The following GRIK2 variants were observed in gnomAD, a reference collection of about 807,000 sequenced individuals.
GRIK2 encodes glutamate receptor ionotropic, kainate 2.
A neutral mutation model predicts 100.3 loss-of-function variants in GRIK2; 32 were observed. The observed-to-expected ratio is 0.32, with a 90% CI of 0.24 to 0.43. GRIK2 has a LOEUF of 0.43. Among genes scored for constraint, GRIK2 ranks in the 20% least tolerant of loss-of-function variants. The pLI is 1.00. For missense variants in GRIK2, 843 were observed against 1,114.9 expected (o/e 0.76, Z 3.47); for synonymous variants, 417 against 389.4 (o/e 1.07, Z -0.83).
At chr6:101,929,337 C>A (rs1429241959) in intron 14 of GRIK2, among the ~76,000 whole-genome samples, 4 of 152,124 alleles carry the variant, frequency 2.6e-5, no homozygotes, top group Admixed American at 2.0e-4. Flanking sequence ...GTAGCTATTA[C>A]CACTTTATAA....
At chr6:101,968,317 T>TA (rs933464956) in intron 14 of GRIK2, among the ~76,000 whole-genome samples, 1 of 151,976 alleles carries the variant, frequency 6.6e-6, no homozygotes, top group Non-Finnish European at 1.5e-5. Context: ...TTATATGTGA[T>TA]AAAATAAGAT....
intron 11 of GRIK2, among the ~76,000 whole-genome samples, chr6:101,889,118 G>A (rs1157330727): frequency 2.0e-5 from 3 of 151,954 alleles, no homozygotes; most frequent in Non-Finnish European, 4.4e-5. Context: ...ACTGAGAGAT[G>A]TTTCAAACAA....
At chr6:101,464,825 C>T (rs1169410950) in intron 2 of GRIK2, among the ~76,000 whole-genome samples, 2 of 152,088 alleles carry the variant, frequency 1.3e-5, no homozygotes, top group Non-Finnish European at 2.9e-5. Flanking sequence ...CGGCCCCAAA[C>T]ATTCTTATAA....
At chr6:101,767,212 T>C (rs188882990) in intron 7 of GRIK2, among the ~76,000 whole-genome samples, 4 of 152,330 alleles carry the variant, frequency 2.6e-5, no homozygotes, top group African/African-American at 9.6e-5. Flanking sequence ...TTATAATTCT[T>C]ACATATCAAT....
In GRIK2 at chr6:101,537,453, TGC is replaced by T. The variant is rs200295395; in HGVS notation, c.116-84494_116-84493del. On this transcript the variant is annotated intron_variant, in intron 2 of 16. Coordinates refer to ENST00000369134, the MANE Select transcript of GRIK2 (RefSeq NM_021956.5). ...TTGTGTGTGTGTGTTTGTGTGTGTGTGCGTGTGTGTGTGTGTGTGTGTGTTTA... is the reference window on the plus strand; with the variant it reads ...TTGTGTGTGTGTGTTTGTGTGTGTGTGTGTGTGTGTGTGTGTGTGTGTTTA... Among the ~76,000 whole-genome samples, 77 of 100,712 alleles carry T rather than the reference TGC, an allele frequency of 7.6e-4. 1 individual carries two copies. Among genetic ancestry groups the T allele is most frequent in the South Asian group, 3.4e-3 (9 of 2,682 alleles). The allele number at this position is 100,712 out of a possible 152,430, so 66.1% of individuals were successfully genotyped here.
At chr6:101,595,021 A>C (rs1015497597) in intron 2 of GRIK2, among the ~76,000 whole-genome samples, 9 of 151,758 alleles carry the variant, frequency 5.9e-5, no homozygotes, top group African/African-American at 1.9e-4. Context: ...TGGAATATAC[A>C]AATGAATAAA....
At chr6:101,827,412 C>A (rs1782403487) in intron 10 of GRIK2, among the ~76,000 whole-genome samples, 1 of 151,658 alleles carries the variant, frequency 6.6e-6, no homozygotes, top group South Asian at 2.1e-4. Flanking sequence ...AGGGTTATTG[C>A]TCTATAAGCC....
At chr6:102,006,388 A>ATTTTTTTTTTTTT (rs1391488839) in intron 14 of GRIK2, among the ~76,000 whole-genome samples, 1 of 111,920 alleles carries the variant, frequency 8.9e-6, no homozygotes, top group African/African-American at 5.3e-5. Flanking sequence ...ATATATATAT[A>ATTTTTTTTTTTTT]TATTTTTTTT....
intron 2 of GRIK2, among the ~76,000 whole-genome samples, chr6:101,570,496 G>A (rs1777479517): frequency 1.3e-5 from 2 of 151,934 alleles, no homozygotes; most frequent in African/African-American, 4.8e-5. Context: ...CCCCCTGCCA[G>A]CTCCCTCTCT....
intron 2 of GRIK2, among the ~76,000 whole-genome samples, chr6:101,579,956 T>G (rs758341092): frequency 1.8e-4 from 27 of 152,322 alleles, no homozygotes; most frequent in Non-Finnish European, 3.4e-4. Context: ...TTTCCAACTT[T>G]ATGACTACTT....
intron 2 of GRIK2, among the ~76,000 whole-genome samples, chr6:101,422,338 A>G (rs982056841): frequency 1.3e-5 from 2 of 152,170 alleles, no homozygotes; most frequent in Non-Finnish European, 2.9e-5. Flanking sequence ...TCTTCTCATC[A>G]CCTGAAAGAC....
chr6:101,607,180 A>G (rs1350424293), intron 2 of GRIK2, among the ~76,000 whole-genome samples: 1 of 151,928 alleles, frequency 6.6e-6, no homozygotes, highest in Non-Finnish European at 1.5e-5. Context: ...TTGGGTTGGG[A>G]AACCGTTTCA....
At chr6:101,783,179 A>C (rs1453585960) in intron 7 of GRIK2, among the ~76,000 whole-genome samples, 1 of 152,040 alleles carries the variant, frequency 6.6e-6, no homozygotes, top group African/African-American at 2.4e-5. Flanking sequence ...TTTGAATTTT[A>C]ATTCCCACAT....
intron 12 of GRIK2, among the ~76,000 whole-genome samples, chr6:101,922,931 A>G (rs900190638): frequency 3.9e-5 from 6 of 152,212 alleles, no homozygotes; most frequent in African/African-American, 1.4e-4. Flanking sequence ...TGAAAGTAAT[A>G]AGGGAATTTA....
chr6:102,013,970 T>A (rs544411222), intron 14 of GRIK2, among the ~76,000 whole-genome samples: 1 of 152,268 alleles, frequency 6.6e-6, no homozygotes, highest in South Asian at 2.1e-4. Flanking sequence ...GAGCGCTTCC[T>A]CCTCAATTTT....
At chr6:101,577,278 C>T (rs1397584769) in intron 2 of GRIK2, among the ~76,000 whole-genome samples, 1 of 151,742 alleles carries the variant, frequency 6.6e-6, no homozygotes, top group Non-Finnish European at 1.5e-5. Flanking sequence ...ATTAAAGTGA[C>T]TTTTTTTATT....
chr6:101,858,308 C>T (rs1784536075), intron 10 of GRIK2, among the ~76,000 whole-genome samples: 2 of 151,656 alleles, frequency 1.3e-5, no homozygotes, highest in Non-Finnish European at 2.9e-5. Flanking sequence ...AATAGGTGCT[C>T]CATAAAATTA....
At chr6:102,035,885 A>AAAG (rs1438553143) in intron 15 of GRIK2, among the ~76,000 whole-genome samples, 1 of 151,452 alleles carries the variant, frequency 6.6e-6, no homozygotes, top group African/African-American at 2.4e-5. Flanking sequence ...TGAGTACACT[A>AAAG]AAGTTTTTGT....
chr6:101,645,471 G>A (rs1024520931), intron 4 of GRIK2, among the ~76,000 whole-genome samples: 2 of 151,824 alleles, frequency 1.3e-5, no homozygotes, highest in African/African-American at 2.4e-5. Flanking sequence ...TATAAAATAA[G>A]TGGCACATAG....
Sources: gnomAD v4.1 joint callset for allele counts (sites outside exome capture counted in the v4.1 genomes callset) on GRCh38, gnomAD v4.1.1 for gene constraint, MANE v1.5 for transcripts, NCBI Gene and HGNC (gene_info 2026-07-23, HGNC 2026-07-21) for gene names.